LDAF1: variants seen among roughly 807,000 people sequenced by gnomAD.
The protein encoded by LDAF1 is PROMETHIN.
In LDAF1, 7 loss-of-function variants were observed where a neutral mutation model predicts 13.5. The observed-to-expected ratio is 0.52, with a 90% CI of 0.29 to 0.97. The LOEUF is 0.97. Ranked by LOEUF, LDAF1 falls within the 50% of genes least tolerant of loss-of-function variation. LDAF1 has a pLI of 0.07. For missense variants in LDAF1, 148 were observed against 193.2 expected (o/e 0.77, Z 1.39); for synonymous variants, 69 against 77.1 (o/e 0.89, Z 0.55).
chr16:21,158,685 C>A lies in LDAF1; in HGVS notation c.-160C>A, dbSNP rs1247725203. On this transcript the variant is annotated 5_prime_UTR_variant, in exon 1 of 5. Coordinates refer to ENST00000233047, the MANE Select transcript of LDAF1 (RefSeq NM_001301771.2). Reference sequence around the variant, plus strand: ...CTCTTTCCTTCTTCCTCTTGTTCCTCCTCCTGCCTCTCTTCGCTTCGCCTG... The same window carrying A: ...CTCTTTCCTTCTTCCTCTTGTTCCTACTCCTGCCTCTCTTCGCTTCGCCTG... The A allele has an allele frequency of 6.5e-6, 1 of 152,930 alleles. No homozygotes were observed. The highest frequency in any genetic ancestry group is 2.4e-5 in the African/African-American group (1 of 41,460). 9.5% of individuals were successfully genotyped at this position (152,930 alleles called of 1,614,324 possible). A position where few individuals can be genotyped will look rare whatever the true frequency, so the allele number is the denominator to read the frequency against.
intron 1 of LDAF1, chr16:21,159,507 G>A (rs1298920905): frequency 6.9e-7 from 1 of 1,454,672 alleles, no homozygotes; most frequent in African/African-American, 1.4e-5. Context: ...TTCCCCTGGA[G>A]GTTCGGGGGT....
At chr16:21,174,237 T>C in intron 4 of LDAF1, 89 bp downstream of exon 4, 1 of 1,237,720 alleles carries the variant, frequency 8.1e-7, no homozygotes, top group Non-Finnish European at 1.1e-6. Context: ...TCACTCAGGC[T>C]GGAGTGCAGT....
chr16:21,163,850 C>T (rs1442565194), intron 2 of LDAF1, among the ~76,000 whole-genome samples: 1 of 95,456 alleles, frequency 1.0e-5, no homozygotes, highest in East Asian at 4.2e-4. Context: ...CGTTCACCTG[C>T]CTTTTTTGTT....
chr16:21,177,718 A>G (rs1271984805), intron 4 of LDAF1, among the ~76,000 whole-genome samples: 1 of 149,318 alleles, frequency 6.7e-6, no homozygotes, highest in Non-Finnish European at 1.5e-5. Context: ...TCTGGGTTCA[A>G]GCAGTTCTTC....
chr16:21,174,316 A>G (rs1057431069), intron 4 of LDAF1, among the ~76,000 whole-genome samples, 168 bp downstream of exon 4: 2 of 152,042 alleles, frequency 1.3e-5, no homozygotes, highest in African/African-American at 4.8e-5. Context: ...CAGCCTCCCA[A>G]GTAGCTGGGG....
intron 2 of LDAF1, among the ~76,000 whole-genome samples, chr16:21,168,958 ATATAATATATTATAT>A (rs576568613): frequency 0.029 from 3,488 of 119,320 alleles, 167 homozygotes; most frequent in African/African-American, 0.1. Flanking sequence ...AGTATATATA[ATATAATATATTATAT>A]TATATATAAT....
At chr16:21,170,069 C>T (rs985740830) in intron 2 of LDAF1, among the ~76,000 whole-genome samples, 3 of 152,068 alleles carry the variant, frequency 2.0e-5, no homozygotes, top group Admixed American at 1.3e-4. Context: ...ATGGTGCAAC[C>T]TTGGCTCACT....
Position 21,167,696 on chromosome 16 carries a change from G to GTTTTTT in LDAF1, c.97-2733_97-2728dup, listed in dbSNP as rs778992036. Among the ~76,000 whole-genome samples, 43 of 89,100 alleles carry GTTTTTT rather than the reference G, an allele frequency of 4.8e-4. 1 individual carries two copies. Among genetic ancestry groups the GTTTTTT allele is most frequent in the African/African-American group, 1.4e-3 (31 of 22,594 alleles). 58.5% of individuals were successfully genotyped at this position (89,100 alleles called of 152,430 possible). On this transcript the variant is annotated intron_variant, in intron 2 of 4. Coordinates refer to ENST00000233047, the MANE Select transcript of LDAF1 (RefSeq NM_001301771.2). ...ATTCTGAGTCCAAGACCTTAGGTTT[G>GTTTTTT]TTTTTTTTTTTTTGAAAAGGAGACT... is the stretch of plus-strand genomic sequence containing the variant.
chr16:21,175,957 C>T (rs536646654), intron 4 of LDAF1, among the ~76,000 whole-genome samples: 88 of 152,228 alleles, frequency 5.8e-4, no homozygotes, highest in African/African-American at 2.0e-3. Flanking sequence ...GTTGCCCAGG[C>T]CATTCTCAAA....
At chr16:21,173,956 C>T in intron 3 of LDAF1, 54 bp from the exon 4 acceptor site, 1 of 1,558,820 alleles carries the variant, frequency 6.4e-7, no homozygotes, top group Non-Finnish European at 8.7e-7. Context: ...CAGGGTCTGC[C>T]AGTTTTCAAC....
chr16:21,168,514 AT>A lies in LDAF1; in HGVS notation c.97-1921del, dbSNP rs1202726040. Among the ~76,000 whole-genome samples the A allele has an allele frequency of 2.3e-4, 33 of 146,530 alleles. 1 individual carries two copies. In the South Asian group the frequency reaches 3.8e-3, roughly 17 times the overall value. On this transcript the variant is annotated intron_variant, in intron 2 of 4. Coordinates refer to ENST00000233047, the MANE Select transcript of LDAF1 (RefSeq NM_001301771.2). ...AATAATAATGCTTTTAATAATTATA[AT>A]TATAATAAATAATATATAAATAATA...
At chr16:21,164,362 A>T (rs975231634) in intron 2 of LDAF1, among the ~76,000 whole-genome samples, 1 of 152,178 alleles carries the variant, frequency 6.6e-6, no homozygotes, top group Non-Finnish European at 1.5e-5. Flanking sequence ...CTCCAGCCTC[A>T]GCCTCCTGAG....
chr16:21,168,494 TAA>T lies in LDAF1; in HGVS notation c.97-1942_97-1941del, dbSNP rs1228105418. 2.2e-4 allele frequency among the ~76,000 whole-genome samples: 33 copies of T among 147,628 alleles called. 1 individual carries two copies. In the South Asian group the frequency reaches 3.8e-3, roughly 17 times the overall value. ...TAATGCTTAATAATGCTTTTAATAA[TAA>T]TGCTTTTAATAATTATAATTATAAT... On this transcript the variant is annotated intron_variant, in intron 2 of 4. Transcript: ENST00000233047.
At chr16:21,165,518 T>C in intron 2 of LDAF1, 1 of 880,502 alleles carries the variant, frequency 1.1e-6, no homozygotes, top group Non-Finnish European at 1.4e-6. Context: ...AAGTCCTGTG[T>C]ATTCCTTCTT....
In LDAF1 at chr16:21,158,946, C is replaced by A. The variant is rs560146021; in HGVS notation, c.-99+200C>A. On this transcript the variant is annotated intron_variant, in intron 1 of 4. Transcript: ENST00000233047. ...TCGCCGGGACGGGGCTGGGAGCGCA[C>A]GAGGAGACACGATTCCTCCCCACCC... Among the ~76,000 whole-genome samples, 13 of 152,072 alleles carry A rather than the reference C, an allele frequency of 8.5e-5. No individual in the cohort carries two copies. In the East Asian group the frequency reaches 2.5e-3, roughly 30 times the overall value.
chr16:21,167,028 C>A, intron 2 of LDAF1: 1 of 943,958 alleles, frequency 1.1e-6, no homozygotes, highest in Non-Finnish European at 1.6e-6. Context: ...TTATGCCGTC[C>A]TGTGGCCTGG....
chr16:21,179,111 G>C (rs932469013), intron 4 of LDAF1, among the ~76,000 whole-genome samples: 4 of 152,202 alleles, frequency 2.6e-5, no homozygotes, highest in African/African-American at 9.7e-5. Context: ...TCAGCTGTGT[G>C]GTCTTGAACG....
chr16:21,180,093 T>A lies in LDAF1; in HGVS notation c.*537T>A, dbSNP rs191993739. 1.9e-4 allele frequency: 30 copies of A among 155,544 alleles called. No individual in the cohort carries two copies. The highest frequency in any genetic ancestry group is 1.2e-3 in the Admixed American group (20 of 16,142). The allele number at this position is 155,544 out of a possible 1,614,324, so 9.6% of individuals were successfully genotyped here. A position where few individuals can be genotyped will look rare whatever the true frequency, so the allele number is the denominator to read the frequency against. On this transcript the variant is annotated 3_prime_UTR_variant, in exon 5 of 5. Transcript: ENST00000233047. ...CCAAATGTAACTTTGTGGCCAAGAG[T>A]ATTTTCAAAAAAGTCTAAAGGTGTA...
At chr16:21,160,886 A>C in intron 1 of LDAF1, 199 bp from the exon 2 acceptor site, 1 of 447,358 alleles carries the variant, frequency 2.2e-6, no homozygotes, top group Non-Finnish European at 3.5e-6. Context: ...GTACATTTTG[A>C]GATACCTGTT....
Sources: gnomAD v4.1 joint callset for allele counts (sites outside exome capture counted in the v4.1 genomes callset) on GRCh38, gnomAD v4.1.1 for gene constraint, MANE v1.5 for transcripts, NCBI Gene and HGNC (gene_info 2026-07-23, HGNC 2026-07-21) for gene names.